KDM4B: variants seen among roughly 807,000 people sequenced by gnomAD.
The protein encoded by KDM4B is lysine-specific demethylase 4B.
In KDM4B, 32 loss-of-function variants were observed where a neutral mutation model predicts 125.2. The ratio of observed to expected loss-of-function variants is 0.26; its 90% CI spans 0.19 to 0.34. The LOEUF (loss-of-function observed/expected upper bound fraction) is 0.34, where lower values mean the gene tolerates loss of function less well. KDM4B is among the 10% of genes least tolerant of loss of function. The pLI is 1.00. For synonymous variants in KDM4B, 721 were observed against 677.9 expected (o/e 1.06, Z -0.99); for missense variants, 1,190 against 1,577.7 (o/e 0.75, Z 4.16).
rs368102262 is a variant in KDM4B, at chr19:5,062,054, C to T, written c.627-8956C>T. On this transcript the variant is annotated intron_variant, in intron 6 of 22. Coordinates refer to ENST00000159111, the MANE Select transcript of KDM4B (RefSeq NM_015015.3). The stretch of plus-strand genomic sequence containing the variant: ...CTTCCCCATGGGGCCTGCACCTGCT[C>T]TGGGACTCCCGTTTCTCCTGTGAGT... Among the ~76,000 whole-genome samples, 868 of 152,296 alleles carry T rather than the reference C, an allele frequency of 5.7e-3. 9 individuals carry two copies. The highest frequency in any genetic ancestry group is 0.02 in the African/African-American group (821 of 41,550).
rs977213379 is a variant in KDM4B at position 5,131,468 on chromosome 19, C to G, written c.1708C>G (p.Leu570Val). 6.3e-7 allele frequency: 1 copy of G among 1,583,154 alleles called. No individual in the cohort carries two copies. The highest frequency in any genetic ancestry group is 8.5e-7 in the Non-Finnish European group (1 of 1,171,220). Reference protein sequence around the residue: ...TWKEPVSPMELTGPEDGAASS... With the variant: ...TWKEPVSPMEVTGPEDGAASS... ...GAAGGAACCAGTTTCCCCCATGGAG[C>G]TGACGGGGCCAGAGGACGGTGCAGC... The change falls in exon 12 of 23, where the codon CTG becomes GTG. Residue 570 changes from leucine to valine, a missense_variant. Around this residue, in one of 7 missense-constraint regions of KDM4B, gnomAD observed 428 missense variants for 405.1 expected, o/e 1.06. Coordinates refer to ENST00000159111, the MANE Select transcript of KDM4B (RefSeq NM_015015.3).
chr19:5,121,029 G>C (rs756563663), intron 11 of KDM4B, among the ~76,000 whole-genome samples: 1 of 152,230 alleles, frequency 6.6e-6, no homozygotes, highest in Non-Finnish European at 1.5e-5. Context: ...AAGAGGCCCA[G>C]CTGTGGTGCC....
chr19:5,031,529 G>A (rs1192581417), intron 2 of KDM4B, among the ~76,000 whole-genome samples: 1 of 152,242 alleles, frequency 6.6e-6, no homozygotes, highest in Non-Finnish European at 1.5e-5. Context: ...TTGGAGCTGT[G>A]CGGTTTTGTC....
intron 1 of KDM4B, among the ~76,000 whole-genome samples, chr19:5,015,504 G>A (rs1024535174): frequency 9.9e-5 from 15 of 152,096 alleles, no homozygotes; most frequent in African/African-American, 1.4e-4. Flanking sequence ...TGCCTGCCTC[G>A]GCCTCCCAAA....
chr19:4,988,584 C>A (rs1016957188), intron 1 of KDM4B, among the ~76,000 whole-genome samples: 2 of 152,122 alleles, frequency 1.3e-5, no homozygotes, highest in Admixed American at 1.3e-4. Context: ...CTCATGAACC[C>A]TTCTTTGAGC....
rs762384943 is a variant in KDM4B, at chr19:5,111,936, T to G, written c.1115+1118T>G. 14 of 688,170 alleles carry G rather than the reference T, an allele frequency of 2.0e-5. No individual in the cohort carries two copies. In the South Asian group the frequency reaches 2.1e-4, roughly 11 times the overall value. 42.6% of individuals were successfully genotyped at this position (688,170 alleles called of 1,614,324 possible). ...TTTTACATGCTACCAAATACGATAA[T>G]TTTTCTGTTTTGAGCCACTTAAAAA... On this transcript the variant is annotated intron_variant, in intron 10 of 22. Transcript: ENST00000159111.
rs1599288863 is a variant in KDM4B, at chr19:5,153,077, A to G, written c.*1566A>G. ...AAAAAAAAAGCAATGTTTATATTAT[A>G]AAAGAGTGTCCTAACAGTCCCCGGG... On this transcript the variant is annotated 3_prime_UTR_variant, in exon 23 of 23. Transcript: ENST00000159111. 6.6e-6 allele frequency: 1 copy of G among 152,360 alleles called. No individual in the cohort carries two copies. The allele number at this position is 152,360 out of a possible 1,614,324, so 9.4% of individuals were successfully genotyped here.
intron 6 of KDM4B, among the ~76,000 whole-genome samples, chr19:5,055,398 G>C (rs1195649092): frequency 6.6e-6 from 1 of 152,246 alleles, no homozygotes; most frequent in East Asian, 1.9e-4. Flanking sequence ...GCCTTTTGCT[G>C]TGTGAAAATC....
chr19:5,047,190 G>C, intron 5 of KDM4B: 1 of 388,168 alleles, frequency 2.6e-6, no homozygotes, highest in Non-Finnish European at 4.7e-6. Flanking sequence ...TATAGTCCCA[G>C]GTACTCAGGA....
At chr19:5,092,068 C>A (rs895837715) in intron 9 of KDM4B, among the ~76,000 whole-genome samples, 12 of 152,194 alleles carry the variant, frequency 7.9e-5, no homozygotes, top group Non-Finnish European at 1.8e-4. Flanking sequence ...TAAGACCAGG[C>A]GGAGCGGATC....
At chr19:5,133,012 C>T (rs1054340254) in intron 13 of KDM4B, among the ~76,000 whole-genome samples, 1 of 152,184 alleles carries the variant, frequency 6.6e-6, no homozygotes, top group Non-Finnish European at 1.5e-5. Flanking sequence ...CTGCCCTCCT[C>T]TAGGTGAACC....
chr19:5,022,962 T>G (rs1034952852), intron 2 of KDM4B, among the ~76,000 whole-genome samples: 1 of 152,200 alleles, frequency 6.6e-6, no homozygotes, highest in African/African-American at 2.4e-5. Flanking sequence ...GACTGAATGA[T>G]GGTCCCCATG....
In KDM4B at chr19:5,047,551, G is replaced by A; in HGVS notation, c.508G>A (p.Glu170Lys). 1 of 1,613,932 alleles carries A rather than the reference G, an allele frequency of 6.2e-7. No individual in the cohort carries two copies. Among genetic ancestry groups the A allele is most frequent in the Non-Finnish European group, 8.5e-7 (1 of 1,179,912 alleles). ...GGAGCGCGAGTGCGGCACCATCATC[G>A]AGGGCGTGAACACGCCCTACCTGTA... ...MVERECGTII[E>K]GVNTPYLYFG... The change falls in exon 6 of 23, where the codon GAG becomes AAG. Residue 170 changes from glutamate to lysine, a missense_variant. Glu to Lys is a moderately conservative substitution (Grantham distance 56). Around this residue, in one of 7 missense-constraint regions of KDM4B, gnomAD observed 139 missense variants for 248.3 expected, o/e 0.56. Transcript: ENST00000159111.
intron 9 of KDM4B, among the ~76,000 whole-genome samples, chr19:5,106,956 C>G (rs1599198790): frequency 1.3e-5 from 2 of 152,320 alleles, no homozygotes; most frequent in East Asian, 3.9e-4. Flanking sequence ...AATCCAGGGC[C>G]GTGACCTGCA....
In KDM4B at chr19:5,103,897, C is replaced by T. The variant is rs573857769; in HGVS notation, c.919-6725C>T. Among the ~76,000 whole-genome samples the T allele has an allele frequency of 4.6e-5, 7 of 152,316 alleles. No homozygotes were observed. In the East Asian group the frequency reaches 1.4e-3, roughly 29 times the overall value. The stretch of plus-strand genomic sequence containing the variant: ...TCCTTAAGGAGGTGAAGATGGGGCA[C>T]GGGGGTGCACGGCCACCTCCTGTAG... On this transcript the variant is annotated intron_variant, in intron 9 of 22. Transcript: ENST00000159111.
intron 6 of KDM4B, among the ~76,000 whole-genome samples, chr19:5,048,237 C>T (rs1233384326): frequency 6.6e-6 from 1 of 152,186 alleles, no homozygotes; most frequent in Non-Finnish European, 1.5e-5. Flanking sequence ...GGGCTGAGTT[C>T]CAGGACCTTC....
intron 9 of KDM4B, among the ~76,000 whole-genome samples, chr19:5,110,386 C>T (rs1227452724): frequency 5.9e-5 from 9 of 151,890 alleles, no homozygotes; most frequent in Non-Finnish European, 4.4e-5. Context: ...GCGGGAGAAT[C>T]GCTTGAGCCT....
At chr19:5,139,750 A>G (rs943665861) in intron 18 of KDM4B, among the ~76,000 whole-genome samples, 1 of 152,162 alleles carries the variant, frequency 6.6e-6, no homozygotes, top group Admixed American at 6.5e-5. Flanking sequence ...TCCTTCGCCC[A>G]TTCCGTGCCT....
chr19:5,066,193 GCTTTTAGCTTTGC>G (rs1203924823), intron 6 of KDM4B, among the ~76,000 whole-genome samples: 2 of 152,234 alleles, frequency 1.3e-5, no homozygotes, highest in Non-Finnish European at 1.5e-5. Context: ...TGGCTTTGAG[GCTTTTAGCTTTGC>G]CTTTCTTGGG....
Sources: gnomAD v4.1 joint callset for allele counts (sites outside exome capture counted in the v4.1 genomes callset) on GRCh38, gnomAD v4.1.1 for gene constraint, gnomAD v4.1.1 regional missense constraint, MANE v1.5 for transcripts, NCBI Gene and HGNC (gene_info 2026-07-23, HGNC 2026-07-21) for gene names.